Variants in AGBL1 observed in about 807,000 individuals in gnomAD.
AGBL1 encodes AGBL carboxypeptidase 1, also known as cytosolic carboxypeptidase 4.
A neutral mutation model predicts 118.9 loss-of-function variants in AGBL1; 130 were observed. The observed-to-expected ratio is 1.09, with a 90% CI of 0.95 to 1.26. The LOEUF (loss-of-function observed/expected upper bound fraction) is 1.26. Among genes scored for constraint, AGBL1 ranks in the 50% most tolerant of loss-of-function variants. The pLI, the probability that AGBL1 is intolerant of heterozygous loss-of-function variation, is 0.00. For missense variants in AGBL1, 1,584 were observed against 1,298.1 expected, an observed-to-expected ratio of 1.22 and a Z score of -3.38; for synonymous variants, 555 against 478.9, an observed-to-expected ratio of 1.16 and a Z score of -2.08.
At chr15:87,011,360 A>C (rs2081558207) in intron 24 of AGBL1, among the ~76,000 whole-genome samples, 1 of 152,190 alleles carries the variant, frequency 6.6e-6, no homozygotes, top group Non-Finnish European at 1.5e-5. Flanking sequence ...TCCATTGAGA[A>C]CATGAAATTG....
intron 6 of AGBL1, among the ~76,000 whole-genome samples, chr15:86,236,509 T>A (rs117738789): frequency 2.6e-5 from 4 of 151,960 alleles, no homozygotes; most frequent in Non-Finnish European, 5.9e-5. Flanking sequence ...TCGAGAGTGA[T>A]AGGAGTTGAG....
chr15:86,253,512 G>A (rs28698195), intron 7 of AGBL1, among the ~76,000 whole-genome samples: 4,631 of 152,162 alleles, frequency 0.03, 251 homozygotes, highest in African/African-American at 0.11. Flanking sequence ...GCCTCCCAAA[G>A]TGCTGGGATT....
intron 18 of AGBL1, among the ~76,000 whole-genome samples, chr15:86,478,561 C>T (rs2082597133): frequency 6.6e-6 from 1 of 152,034 alleles, no homozygotes; most frequent in Non-Finnish European, 1.5e-5. Context: ...AACTACAAAC[C>T]ACTGCTCAAC....
At chr15:86,094,965 T>C (rs965039143) in intron 1 of AGBL1, among the ~76,000 whole-genome samples, 21 of 152,170 alleles carry the variant, frequency 1.4e-4, no homozygotes, top group Non-Finnish European at 5.9e-5. Context: ...TTCCGACCAA[T>C]TGGCTTCATA....
At chr15:86,193,190 T>C (rs768445378) in intron 5 of AGBL1, among the ~76,000 whole-genome samples, 14 of 152,200 alleles carry the variant, frequency 9.2e-5, no homozygotes, top group Non-Finnish European at 1.5e-4. Context: ...TGTTTGGAGA[T>C]GTCACTGAGA....
intron 23 of AGBL1, among the ~76,000 whole-genome samples, chr15:86,970,143 C>T (rs1721621636): frequency 6.6e-6 from 1 of 151,768 alleles, no homozygotes; most frequent in Non-Finnish European, 1.5e-5. Flanking sequence ...GAAGTGGAGC[C>T]CAGGCCAAGG....
intron 22 of AGBL1, among the ~76,000 whole-genome samples, chr15:86,737,111 A>G (rs937487212): frequency 1.3e-5 from 2 of 152,200 alleles, no homozygotes; most frequent in African/African-American, 4.8e-5. Flanking sequence ...TTGCTGATAG[A>G]GAAGACAAAA....
chr15:86,084,887 A>C lies in AGBL1; in HGVS notation c.51+4864A>C, dbSNP rs1895532116. ...TGTTCATCCACCCATCCACCTATCCATTCATTCGCCTAGCCATAGCTTTCT... is the reference window on the plus strand; with the variant it reads ...TGTTCATCCACCCATCCACCTATCCCTTCATTCGCCTAGCCATAGCTTTCT... On this transcript the variant is annotated intron_variant, in intron 1 of 22. Transcript: ENST00000614907. Among the ~76,000 whole-genome samples, 4 of 151,806 alleles carry C rather than the reference A, an allele frequency of 2.6e-5. No homozygotes were observed. In the South Asian group the frequency reaches 8.3e-4, roughly 31 times the overall value.
chr15:86,784,777 C>T (rs932753574), intron 22 of AGBL1, among the ~76,000 whole-genome samples: 3 of 152,128 alleles, frequency 2.0e-5, no homozygotes, highest in Non-Finnish European at 4.4e-5. Flanking sequence ...CAATAGTGCT[C>T]AGTAGCTATA....
intron 17 of AGBL1, among the ~76,000 whole-genome samples, chr15:86,338,059 C>G (rs1320162765): frequency 5.9e-5 from 9 of 151,796 alleles, no homozygotes; most frequent in Admixed American, 3.3e-4. Flanking sequence ...GACACATAAA[C>G]TGATTAATTG....
In AGBL1 at chr15:86,915,907, A is replaced by G. The variant is rs982928756; in HGVS notation, c.*8613A>G. 2 of 152,186 alleles carry G rather than the reference A, an allele frequency of 1.3e-5. No homozygotes were observed. The highest frequency in any genetic ancestry group is 4.8e-5 in the African/African-American group (2 of 41,432). The allele number at this position is 152,186 out of a possible 1,614,324, so 9.4% of individuals were successfully genotyped here. On this transcript the variant is annotated 3_prime_UTR_variant, in exon 23 of 23. Coordinates refer to ENST00000614907, the MANE Select transcript of AGBL1 (RefSeq NM_001386094.1). Reference sequence around the variant, plus strand: ...GTGAGTCCAGCCAACTCAGAGCTTCAAGGAGGCGTCCAGGAGAAACCTCCC... The same window carrying G: ...GTGAGTCCAGCCAACTCAGAGCTTCGAGGAGGCGTCCAGGAGAAACCTCCC...
At position 86,773,060 on chromosome 15, in the gene AGBL1, A is replaced by G. The variant is rs79493729; in HGVS notation, c.3158+98624A>G. 5.8e-3 allele frequency among the ~76,000 whole-genome samples: 889 copies of G among 152,170 alleles called. 39 individuals carry two copies. In the East Asian group the frequency reaches 0.12, roughly 21 times the overall value. On this transcript the variant is annotated intron_variant, in intron 22 of 22. Transcript: ENST00000614907. The stretch of plus-strand genomic sequence containing the variant: ...GATTTACCTGGATTTTTCGGAATCA[A>G]GGGTGCACTTATGGGCCTTGATTCT...
intron 23 of AGBL1, among the ~76,000 whole-genome samples, chr15:86,986,326 G>C (rs969437250): frequency 6.6e-6 from 1 of 152,084 alleles, no homozygotes; most frequent in Admixed American, 6.5e-5. Flanking sequence ...TGACATGTGG[G>C]TATTTATTTC....
chr15:86,249,618 C>T (rs1209721028), intron 7 of AGBL1, among the ~76,000 whole-genome samples: 1 of 152,068 alleles, frequency 6.6e-6, no homozygotes, highest in Non-Finnish European at 1.5e-5. Context: ...GTCTCTAATC[C>T]CTCCCAGTCC....
chr15:86,334,313 C>T (rs764470234), intron 17 of AGBL1, among the ~76,000 whole-genome samples: 7 of 152,176 alleles, frequency 4.6e-5, no homozygotes, highest in Admixed American at 1.3e-4. Context: ...TAAAGGACTT[C>T]AGTAAAGTTT....
At chr15:86,583,295 C>T (rs2084199626) in intron 21 of AGBL1, among the ~76,000 whole-genome samples, 1 of 152,000 alleles carries the variant, frequency 6.6e-6, no homozygotes, top group Non-Finnish European at 1.5e-5. Context: ...CAGGTATATA[C>T]CTACTTAGCA....
chr15:86,345,949 TTC>T (rs1157063905), intron 17 of AGBL1, among the ~76,000 whole-genome samples: 2 of 152,082 alleles, frequency 1.3e-5, no homozygotes, highest in African/African-American at 2.4e-5. Flanking sequence ...CTTTCATCAA[TTC>T]TCTCTTTTCT....
At chr15:86,290,912 T>C (rs1324969846) in intron 16 of AGBL1, among the ~76,000 whole-genome samples, 1 of 151,884 alleles carries the variant, frequency 6.6e-6, no homozygotes, top group Non-Finnish European at 1.5e-5. Context: ...CATTGTTCAA[T>C]TCCCACCTAT....
intron 22 of AGBL1, among the ~76,000 whole-genome samples, chr15:86,689,007 C>G (rs538715924): frequency 1.3e-5 from 2 of 152,232 alleles, no homozygotes; most frequent in Admixed American, 1.3e-4. Flanking sequence ...CAGCATAATA[C>G]TTTTGCGAAT....
Sources: allele counts gnomAD v4.1 joint callset (sites outside exome capture counted in the v4.1 genomes callset), GRCh38; gene constraint gnomAD v4.1.1; transcripts MANE v1.5; gene names NCBI Gene and HGNC (gene_info 2026-07-23, HGNC 2026-07-21).